The following USH2A variants were observed in gnomAD, a reference collection of about 807,000 sequenced individuals.
The protein encoded by USH2A is Usher syndrome 2A (autosomal recessive, mild).
A neutral mutation model predicts 538.9 loss-of-function variants in USH2A; 443 were observed. That is an observed-to-expected ratio of 0.82 (90% CI 0.76 to 0.89). The LOEUF (loss-of-function observed/expected upper bound fraction) is 0.89, where lower values mean the gene tolerates loss of function less well. USH2A is among the 40% of genes least tolerant of loss of function. USH2A has a pLI of 0.00. For synonymous variants in USH2A, 2,413 were observed against 2,273.5 expected (o/e 1.06, Z -1.75); for missense variants, 6,633 against 6,324.8 (o/e 1.05, Z -1.65).
chr1:215,689,320 G>C (rs1658526457), intron 61 of USH2A, among the ~76,000 whole-genome samples: 1 of 152,206 alleles, frequency 6.6e-6, no homozygotes, highest in Non-Finnish European at 1.5e-5. Flanking sequence ...TCATTTGGAT[G>C]TCTAATACAT....
At chr1:216,304,298 T>G (rs2102626977) in intron 9 of USH2A, among the ~76,000 whole-genome samples, 1 of 152,148 alleles carries the variant, frequency 6.6e-6, no homozygotes, top group Non-Finnish European at 1.5e-5. Context: ...TGGTACTATG[T>G]GTACTATGTA....
chr1:215,677,883 G>T (rs1156736069), intron 62 of USH2A, among the ~76,000 whole-genome samples: 1 of 152,096 alleles, frequency 6.6e-6, no homozygotes, highest in African/African-American at 2.4e-5. Context: ...AACACTCTCA[G>T]GAGTTTTAGA....
At chr1:215,712,939 T>G (rs968029925) in intron 61 of USH2A, among the ~76,000 whole-genome samples, 2 of 152,042 alleles carry the variant, frequency 1.3e-5, no homozygotes, top group African/African-American at 2.4e-5. Flanking sequence ...CCCAAGTTGC[T>G]GGGATTACAG....
chr1:216,097,311 A>G (rs2102573005), intron 21 of USH2A, 98 bp from the exon 22 acceptor site: 2 of 1,594,716 alleles, frequency 1.3e-6, no homozygotes, highest in East Asian at 2.2e-5. Context: ...TGATGTAGTG[A>G]GTACAGTCAG....
Position 216,106,214 on chromosome 1 carries a change from T to C in USH2A, c.4628-9001A>G, listed in dbSNP as rs1194773992. ...TATATTAAGTATGTATAAGTATATA[T>C]AATAAATATATATTAAATATATATT... On this transcript the variant is annotated intron_variant, in intron 21 of 71. Coordinates refer to ENST00000307340, the MANE Select transcript of USH2A (RefSeq NM_206933.4). 2.0e-5 allele frequency among the ~76,000 whole-genome samples: 3 copies of C among 147,556 alleles called. No individual in the cohort carries two copies. The East Asian group carries it at 5.8e-4, about 29-fold the overall frequency.
In USH2A at chr1:215,993,026, G is replaced by A; in HGVS notation, c.6799C>T (p.Pro2267Ser). The A allele has an allele frequency of 2.5e-6, 4 of 1,614,040 alleles. No homozygotes were observed. The highest frequency in any genetic ancestry group is 2.5e-6 in the Non-Finnish European group (3 of 1,179,968). Residue 2267 changes from proline (P) to serine (S), a missense_variant, in exon 35 of 72, where the codon CCG becomes TCG. Transcript: ENST00000307340. ...FNVSWTEPEY[P>S]NGVITSYGLY... Reference sequence around the variant, plus strand: ...GCTAAAAGAGTTCACTTACCATTCGGATATTCAGGCTCAGTCCAGGAGACA... The same window carrying A: ...GCTAAAAGAGTTCACTTACCATTCGAATATTCAGGCTCAGTCCAGGAGACA...
chr1:215,786,978 C>T, intron 51 of USH2A, 104 bp from the exon 52 acceptor site: 1 of 1,075,838 alleles, frequency 9.3e-7, no homozygotes, highest in Non-Finnish European at 1.4e-6. Flanking sequence ...TTTTCCTCCA[C>T]TTACTTGATG....
intron 41 of USH2A, among the ~76,000 whole-genome samples, 198 bp from the exon 42 acceptor site, chr1:215,879,296 G>A (rs189464160): frequency 6.6e-6 from 1 of 152,176 alleles, no homozygotes; most frequent in Non-Finnish European, 1.5e-5. Context: ...ATGAAATGCT[G>A]TTTCCTGGGT....
intron 21 of USH2A, among the ~76,000 whole-genome samples, chr1:216,146,732 G>A (rs1257506871): frequency 6.6e-6 from 1 of 151,778 alleles, no homozygotes; most frequent in Non-Finnish European, 1.5e-5. Flanking sequence ...CTTTTCTGGA[G>A]GGCAAGAACC....
At chr1:216,043,155 A>G (rs996979205) in intron 32 of USH2A, among the ~76,000 whole-genome samples, 4 of 152,088 alleles carry the variant, frequency 2.6e-5, no homozygotes, top group African/African-American at 7.2e-5. Context: ...AATGTATAGA[A>G]ATTAAAAGCA....
Position 215,728,114 on chromosome 1 carries a change from A to G in USH2A, c.11982T>C (p.Ile3994=). ...NWTKPESPNG[I]ISHYRVVYQE... is the part of the protein sequence containing the mutation. Reference sequence around the variant, plus strand: ...GGTAGACCACACGGTAATGGGAGATAATGCCATTGGGAGATTCTGGCTTTG... The same window carrying G: ...GGTAGACCACACGGTAATGGGAGATGATGCCATTGGGAGATTCTGGCTTTG... Residue 3994 remains isoleucine, a synonymous_variant, in exon 61 of 72, where the codon ATT becomes ATC. Coordinates refer to ENST00000307340, the MANE Select transcript of USH2A (RefSeq NM_206933.4). 1 of 1,614,208 alleles carries G rather than the reference A, an allele frequency of 6.2e-7. No homozygotes were observed. Among genetic ancestry groups the G allele is most frequent in the Non-Finnish European group, 8.5e-7 (1 of 1,180,048 alleles).
intron 16 of USH2A, among the ~76,000 whole-genome samples, chr1:216,201,003 CCCTCCCTCCCTTCCTTCCTT>C (rs2034981923): frequency 2.9e-5 from 3 of 104,574 alleles, no homozygotes; most frequent in Admixed American, 1.0e-4. Flanking sequence ...CTCCCTCCCT[CCCTCCCTCCCTTCCTTCCTT>C]CCTTCCTTCC....
chr1:216,337,832 T>C (rs2038002291), intron 4 of USH2A, among the ~76,000 whole-genome samples: 1 of 151,334 alleles, frequency 6.6e-6, no homozygotes, highest in African/African-American at 2.4e-5. Context: ...GAAATAAGAA[T>C]GATATATAAC....
In USH2A at chr1:215,758,592, T is replaced by TA. The variant is rs1414433033; in HGVS notation, c.11389+2dup. The TA allele has an allele frequency of 4.3e-6, 7 of 1,611,030 alleles. No individual in the cohort carries two copies. Among genetic ancestry groups the TA allele is most frequent in the East Asian group, 2.2e-5 (1 of 44,814 alleles). Reference sequence around the variant, plus strand: ...CACACACATACTTCTTTTTTTTTTTTACCTGGTGGTATCCAAGCTACAAAT... The same window carrying TA: ...CACACACATACTTCTTTTTTTTTTTTAACCTGGTGGTATCCAAGCTACAAAT... On this transcript the variant is annotated splice_region_variant and intron_variant, in intron 58 of 71. Transcript: ENST00000307340.
rs146805130 is a variant in USH2A at position 216,321,904 on chromosome 1, C to T, written c.1623G>A (p.Glu541=). 120 of 1,613,778 alleles carry T rather than the reference C, an allele frequency of 7.4e-5. No individual in the cohort carries two copies. Among genetic ancestry groups the T allele is most frequent in the Middle Eastern group, 6.6e-4 (4 of 6,058 alleles). The part of the protein sequence containing the change: ...SQPYRCLCSQ[E]SFTEGLHCDR... ...TCACATGAAGTCCTTCAGTGAAGCT[C>T]TCCTGGGAGCAGAGGCATCTATATG... The change falls in exon 9 of 72, where the codon GAG becomes GAA. Residue 541 remains glutamate, a synonymous_variant. Coordinates refer to ENST00000307340, the MANE Select transcript of USH2A (RefSeq NM_206933.4).
intron 21 of USH2A, chr1:216,174,913 CA>C (rs747826981): frequency 8.9e-7 from 1 of 1,125,350 alleles, no homozygotes; most frequent in Non-Finnish European, 1.1e-6. Flanking sequence ...GGGCATTTTG[CA>C]AACTCATTTG....
intron 47 of USH2A, among the ~76,000 whole-genome samples, chr1:215,836,488 T>TTATATATATATAATATATA: frequency 4.8e-5 from 1 of 20,812 alleles, no homozygotes; most frequent in African/African-American, 1.4e-4. Context: ...ATAATATATA[T>TTATATATATATAATATATA]TATATATATA....
rs891810767 is a variant in USH2A, at chr1:215,769,575, A to G, written c.10940-2787T>C. On this transcript the variant is annotated intron_variant, in intron 55 of 71. Coordinates refer to ENST00000307340, the MANE Select transcript of USH2A (RefSeq NM_206933.4). ...CAGCAGTAGAGCATCCAGCACCTTA[A>G]GGATTTTTGATAGAGGGAGGAAAGT... Among the ~76,000 whole-genome samples, 6 of 152,292 alleles carry G rather than the reference A, an allele frequency of 3.9e-5. No individual in the cohort carries two copies. In the South Asian group the frequency reaches 1.2e-3, roughly 32 times the overall value.
chr1:216,329,115 G>A (rs971920452), intron 4 of USH2A, among the ~76,000 whole-genome samples: 1 of 152,120 alleles, frequency 6.6e-6, no homozygotes, highest in African/African-American at 2.4e-5. Context: ...AAAACAGGCA[G>A]CTGGCACAAG....
Sources: allele counts gnomAD v4.1 joint callset (sites outside exome capture counted in the v4.1 genomes callset), GRCh38; gene constraint gnomAD v4.1.1; transcripts MANE v1.5; gene names NCBI Gene and HGNC (gene_info 2026-07-23, HGNC 2026-07-21).